GMNC: variants seen among roughly 807,000 people sequenced by gnomAD.
GMNC encodes the protein geminin coiled-coil domain containing.
In GMNC, 16 loss-of-function variants were observed where a neutral mutation model predicts 33.6. That is an observed-to-expected ratio of 0.48 (90% CI 0.32 to 0.72). GMNC has a LOEUF of 0.72. Ranked by LOEUF, GMNC falls within the 30% of genes least tolerant of loss-of-function variation. The probability of loss-of-function intolerance (pLI) is 0.03; values close to 1 mark genes in which losing one functional copy is unlikely to be tolerated. For missense variants in GMNC, 393 were observed against 388.9 expected (o/e 1.01, Z -0.09); for synonymous variants, 156 against 147.3 (o/e 1.06, Z -0.43).
At chr3:190,857,960 A>G (rs1737783648) in intron 3 of GMNC, 61 bp from the exon 4 acceptor site, 1 of 858,940 alleles carries the variant, frequency 1.2e-6, no homozygotes, top group Admixed American at 2.0e-5. Flanking sequence ...ACCTTATAAT[A>G]ATGCCACTGC....
downstream of GMNC, among the ~76,000 whole-genome samples, chr3:190,852,283 T>C (rs1465849782): frequency 3.3e-5 from 5 of 152,094 alleles, no homozygotes; most frequent in African/African-American, 1.2e-4. Flanking sequence ...TTTAAAAAAG[T>C]CGTTTTCTTG....
At position 190,859,006 on chromosome 3, in the gene GMNC, A is replaced by G. The variant is rs1020670860; in HGVS notation, c.189T>C (p.Ser63=). Residue 63 remains serine (S), a synonymous_variant, in exon 3 of 5, where the codon AGT becomes AGC. Transcript: ENST00000442080. The stretch of plus-strand genomic sequence containing the variant: ...AGTCCGGAAGAGGAAAATTTGAGTC[A>G]CTGAATGATTCTGTGAAAATACAAA... The part of the protein sequence containing the change: ...QQAPQAQESF[S]DSNFPLPDLC... 1.6e-5 allele frequency: 24 copies of G among 1,542,966 alleles called. No homozygotes were observed. In the Admixed American group the frequency reaches 3.9e-4, roughly 25 times the overall value.
rs1737690843 is a variant in GMNC, at chr3:190,854,459, G to T, written c.*836C>A. The T allele has an allele frequency of 6.6e-6, 1 of 152,086 alleles. No homozygotes were observed. Among genetic ancestry groups the T allele is most frequent in the Non-Finnish European group, 1.5e-5 (1 of 68,020 alleles). The allele number at this position is 152,086 out of a possible 1,614,324, so 9.4% of individuals were successfully genotyped here. A position where few individuals can be genotyped will look rare whatever the true frequency, so the allele number is the denominator to read the frequency against. On this transcript the variant is annotated 3_prime_UTR_variant, in exon 5 of 5. Coordinates refer to ENST00000442080, the MANE Select transcript of GMNC (RefSeq NM_001146686.3). ...ATGAATGAGACAATGGCTGAGCTAG[G>T]TTAGTCTATTTTCAGCAATAGGAGT...
the GMNC span, among the ~76,000 whole-genome samples, chr3:190,844,659 A>T: frequency 2.6e-5 from 4 of 152,044 alleles, no homozygotes; most frequent in East Asian, 5.8e-4. Flanking sequence ...CCAAAATTAT[A>T]TAAAAAAATC....
At chr3:190,843,299 GA>G in the GMNC span, among the ~76,000 whole-genome samples, 98 of 151,762 alleles carry the variant, frequency 6.5e-4, 1 homozygote, top group Admixed American at 6.3e-3. Flanking sequence ...TCATACAATG[GA>G]AAAAAATGTT....
At chr3:190,858,322 A>G (rs1391584746) in intron 3 of GMNC, among the ~76,000 whole-genome samples, 2 of 152,072 alleles carry the variant, frequency 1.3e-5, no homozygotes, top group East Asian at 1.9e-4. Flanking sequence ...ACCTGTCTGT[A>G]TGTCCACTAG....
chr3:190,853,579 C>A lies in GMNC; in HGVS notation c.*1716G>T, dbSNP rs941321568. 3 of 151,898 alleles carry A rather than the reference C, an allele frequency of 2.0e-5. No individual in the cohort carries two copies. Among genetic ancestry groups the A allele is most frequent in the Non-Finnish European group, 2.9e-5 (2 of 67,940 alleles). 9.4% of individuals were successfully genotyped at this position (151,898 alleles called of 1,614,324 possible). ...TAAAGCAACAACCAAACAGAAACAA[C>A]AATGAAAGGCATGTCTCTGTTACAA... On this transcript the variant is annotated 3_prime_UTR_variant, in exon 5 of 5. Transcript: ENST00000442080.
intron 3 of GMNC, among the ~76,000 whole-genome samples, chr3:190,858,546 A>G (rs542018880): frequency 6.6e-6 from 1 of 152,212 alleles, no homozygotes; most frequent in African/African-American, 2.4e-5. Context: ...TATAATCATT[A>G]TGTCTTCTCC....
At chr3:190,849,086 T>A (rs1354091593), downstream of GMNC, among the ~76,000 whole-genome samples, 2 of 152,168 alleles carry the variant, frequency 1.3e-5, no homozygotes, top group South Asian at 4.1e-4. Context: ...ACAGGATGGC[T>A]CCCAAGAAAC....
At chr3:190,848,632 T>C (rs1235228068), downstream of GMNC, among the ~76,000 whole-genome samples, 1 of 152,200 alleles carries the variant, frequency 6.6e-6, no homozygotes, top group African/African-American at 2.4e-5. Flanking sequence ...GCTTTACATT[T>C]GCGAATTAAA....
chr3:190,856,498 CAA>C (rs953190777), intron 4 of GMNC, among the ~76,000 whole-genome samples: 1 of 113,852 alleles, frequency 8.8e-6, no homozygotes, highest in East Asian at 2.7e-4. Context: ...TATTTATAAA[CAA>C]TATTATTTAT....
chr3:190,843,485 G>C, the GMNC span, among the ~76,000 whole-genome samples: 63 of 152,242 alleles, frequency 4.1e-4, no homozygotes, highest in African/African-American at 1.5e-3. Context: ...CTCTATTTTA[G>C]TTAAAGCCTT....
the GMNC span, among the ~76,000 whole-genome samples, chr3:190,845,805 C>T: frequency 1.5e-3 from 227 of 152,224 alleles, 1 homozygote; most frequent in African/African-American, 5.4e-3. Context: ...CCGCGCCGGG[C>T]CTCAAAACTC....
At chr3:190,845,114 TG>T in the GMNC span, among the ~76,000 whole-genome samples, 2 of 152,216 alleles carry the variant, frequency 1.3e-5, no homozygotes, top group Non-Finnish European at 2.9e-5. Context: ...TTAGTCCTAT[TG>T]ATTGCAGTAA....
At position 190,854,517 on chromosome 3, in the gene GMNC, T is replaced by C. The variant is rs1282941137; in HGVS notation, c.*778A>G. ...CATCTGGGTAGTTGCAGATGATGACTAGTTTTGTTACCACAGTCCCTCAAA... is the reference window on the plus strand; with the variant it reads ...CATCTGGGTAGTTGCAGATGATGACCAGTTTTGTTACCACAGTCCCTCAAA... On this transcript the variant is annotated 3_prime_UTR_variant, in exon 5 of 5. Transcript: ENST00000442080. 5 of 152,194 alleles carry C rather than the reference T, an allele frequency of 3.3e-5. No individual in the cohort carries two copies. Among genetic ancestry groups the C allele is most frequent in the African/African-American group, 4.8e-5 (2 of 41,452 alleles). The allele number at this position is 152,194 out of a possible 1,614,324, so 9.4% of individuals were successfully genotyped here.
At chr3:190,847,207 A>G in the GMNC span, among the ~76,000 whole-genome samples, 1 of 152,186 alleles carries the variant, frequency 6.6e-6, no homozygotes, top group African/African-American at 2.4e-5. Flanking sequence ...TGGTTTGGTG[A>G]CAATAACCTA....
At position 190,857,872 on chromosome 3, in the gene GMNC, C is replaced by T. The variant is rs772589916; in HGVS notation, c.295G>A (p.Glu99Lys). 234 of 1,549,544 alleles carry T rather than the reference C, an allele frequency of 1.5e-4. No individual in the cohort carries two copies. Among genetic ancestry groups the T allele is most frequent in the Non-Finnish European group, 1.9e-4 (223 of 1,145,054 alleles). Residue 99 changes from glutamate to lysine, a missense_variant, in exon 4 of 5, where the codon GAA becomes AAA. Transcript: ENST00000442080. ...TCTTCGTGTAACCTGGCGAGTTCTT[C>T]TTCCTTCTGCACCAGGGTATCTTGC... ...QLQDTLVQKEEELARLHEENN... is the reference protein window; with the variant it reads ...QLQDTLVQKEKELARLHEENN...
downstream of GMNC, among the ~76,000 whole-genome samples, chr3:190,852,371 C>T (rs902061355): frequency 2.6e-5 from 4 of 152,078 alleles, no homozygotes; most frequent in African/African-American, 9.7e-5. Context: ...TATAGTTTAG[C>T]ATCACTGAAG....
At chr3:190,856,222 T>TTATAAATAATACTTATATTTATTTATAAA (rs1737733115) in intron 4 of GMNC, among the ~76,000 whole-genome samples, 1 of 127,826 alleles carries the variant, frequency 7.8e-6, no homozygotes, top group African/African-American at 3.3e-5. Flanking sequence ...AAACTATCAT[T>TTATAAATAATACTTATATTTATTTATAAA]TATTTATAAA....
Sources: allele counts gnomAD v4.1 joint callset (sites outside exome capture counted in the v4.1 genomes callset), GRCh38; gene constraint gnomAD v4.1.1; transcripts MANE v1.5; gene names NCBI Gene and HGNC (gene_info 2026-07-23, HGNC 2026-07-21).